ADCY5: variants seen among roughly 807,000 people sequenced by gnomAD.
ADCY5 encodes the protein adenylate cyclase 5, also known as adenylate cyclase type 5.
Under a neutral mutation model 119.7 loss-of-function variants are expected in ADCY5, and 30 were observed. That is an observed-to-expected ratio of 0.25 (90% CI 0.19 to 0.34). The LOEUF (loss-of-function observed/expected upper bound fraction) is 0.34, where lower values mean the gene tolerates loss of function less well. ADCY5 is among the 10% of genes least tolerant of loss of function. ADCY5 has a pLI of 1.00. For missense variants in ADCY5, 1,324 were observed against 1,775.2 expected, an observed-to-expected ratio of 0.75 and a Z score of 4.57; for synonymous variants, 753 against 762.2, an observed-to-expected ratio of 0.99 and a Z score of 0.20.
chr3:123,411,853 GA>G (rs1945057431), intron 1 of ADCY5, among the ~76,000 whole-genome samples: 1 of 152,166 alleles, frequency 6.6e-6, no homozygotes, highest in African/African-American at 2.4e-5. Flanking sequence ...CAGCACAACA[GA>G]GTCCCAGGTG....
At chr3:123,385,917 C>A (rs113301167) in intron 1 of ADCY5, among the ~76,000 whole-genome samples, 10 of 152,146 alleles carry the variant, frequency 6.6e-5, no homozygotes, top group Non-Finnish European at 1.0e-4. Context: ...AATCCCAAGA[C>A]GGCTCTCCAG....
chr3:123,346,310 T>C (rs1028924000), intron 3 of ADCY5, among the ~76,000 whole-genome samples: 3 of 152,234 alleles, frequency 2.0e-5, no homozygotes, highest in African/African-American at 7.2e-5. Flanking sequence ...TTCCCGGATG[T>C]GGAGATTCAG....
intron 1 of ADCY5, chr3:123,367,911 C>T (rs539446763): frequency 6.5e-7 from 1 of 1,535,732 alleles, no homozygotes; most frequent in East Asian, 2.4e-5. Context: ...TTACCTCCAA[C>T]TGAGTGCGGA....
chr3:123,352,846 G>C lies in ADCY5; in HGVS notation c.1135-265C>G, dbSNP rs57138522. On this transcript the variant is annotated intron_variant, in intron 1 of 20. Transcript: ENST00000462833. This position sits in a 1 kb window ranked among gnomAD's most constrained non-coding sequence, Gnocchi z 4.8. ...ATCACCTAATAATCATACTAAACAT[G>C]CCTATAGTACCAGAAATTAAAAGGC... Among the ~76,000 whole-genome samples the C allele has an allele frequency of 0.069, 10,489 of 152,182 alleles. 895 individuals carry two copies. Among genetic ancestry groups the C allele is most frequent in the East Asian group, 0.26 (1,335 of 5,156 alleles).
chr3:123,442,580 C>T (rs901872428), intron 1 of ADCY5, among the ~76,000 whole-genome samples: 1 of 152,232 alleles, frequency 6.6e-6, no homozygotes, highest in Non-Finnish European at 1.5e-5. Flanking sequence ...CAAACATGAA[C>T]GCACTGTTCT....
intron 2 of ADCY5, among the ~76,000 whole-genome samples, chr3:123,348,649 G>T (rs761932645): frequency 6.6e-6 from 1 of 152,174 alleles, no homozygotes; most frequent in Non-Finnish European, 1.5e-5. Context: ...CCAGTGGCAG[G>T]GGAGGTGGGA....
At chr3:123,398,528 AG>A (rs1264507768) in intron 1 of ADCY5, among the ~76,000 whole-genome samples, 10 of 152,208 alleles carry the variant, frequency 6.6e-5, no homozygotes, top group African/African-American at 2.2e-4. Flanking sequence ...CCACTACCAC[AG>A]GGATAATCTT....
intron 3 of ADCY5, among the ~76,000 whole-genome samples, chr3:123,343,850 G>A (rs931777166): frequency 5.3e-5 from 8 of 152,232 alleles, no homozygotes; most frequent in African/African-American, 1.7e-4. Context: ...CTGACCCCCC[G>A]CCCCGTCAGA....
At chr3:123,361,137 CCTT>C (rs1192890995) in intron 1 of ADCY5, among the ~76,000 whole-genome samples, 3 of 152,140 alleles carry the variant, frequency 2.0e-5, no homozygotes, top group Non-Finnish European at 4.4e-5. Context: ...GCGCCCTAGG[CCTT>C]CTTCATAGAT....
chr3:123,447,947 C>A lies in ADCY5; in HGVS notation c.599G>T (p.Gly200Val). 1 of 1,541,548 alleles carries A rather than the reference C, an allele frequency of 6.5e-7. No homozygotes were observed. Among genetic ancestry groups the A allele is most frequent in the Non-Finnish European group, 8.7e-7 (1 of 1,143,616 alleles). ...SADSGSGAGP[G>V]AVLSLGACCL... ...GCAGGCGCCCAGGGACAGCACCGCG[C>A]CGGGCCCCGCGCCCGAGCCCGAGTC... The change falls in exon 1 of 21, where the codon GGC becomes GTC. Residue 200 changes from glycine to valine, a missense_variant. Gly to Val is a moderately radical substitution (Grantham distance 109). Coordinates refer to ENST00000462833, the MANE Select transcript of ADCY5 (RefSeq NM_183357.3).
rs117994755 is a variant in ADCY5, at chr3:123,442,502, T to G, written c.1134+4910A>C. 3.9e-3 allele frequency among the ~76,000 whole-genome samples: 594 copies of G among 152,356 alleles called. 2 individuals carry two copies. Among genetic ancestry groups the G allele is most frequent in the African/African-American group, 0.014 (578 of 41,580 alleles). On this transcript the variant is annotated intron_variant, in intron 1 of 20. Coordinates refer to ENST00000462833, the MANE Select transcript of ADCY5 (RefSeq NM_183357.3). ...TAGGAGAGTTCCTGTCCAAGCATTATAAACTGATTTTGAAACTCTCTGTGA... is the reference window on the plus strand; with the variant it reads ...TAGGAGAGTTCCTGTCCAAGCATTAGAAACTGATTTTGAAACTCTCTGTGA...
intron 1 of ADCY5, among the ~76,000 whole-genome samples, chr3:123,361,957 T>C (rs1448906183): frequency 6.6e-6 from 1 of 152,236 alleles, no homozygotes; most frequent in Admixed American, 6.5e-5. Flanking sequence ...ATTTTGGATT[T>C]CAAATTTTCA....
At chr3:123,366,685 A>G (rs1188132551) in intron 1 of ADCY5, among the ~76,000 whole-genome samples, 1 of 152,214 alleles carries the variant, frequency 6.6e-6, no homozygotes, top group Admixed American at 6.5e-5. Flanking sequence ...GGAGGAGGGC[A>G]TCCTCAAGAG....
intron 19 of ADCY5, among the ~76,000 whole-genome samples, chr3:123,289,049 A>G (rs1365027177): frequency 6.6e-6 from 1 of 152,244 alleles, no homozygotes; most frequent in African/African-American, 2.4e-5. Flanking sequence ...CATAACTTGT[A>G]TAAAAAGAGT....
chr3:123,431,003 T>C (rs1945512342), intron 1 of ADCY5, among the ~76,000 whole-genome samples: 1 of 152,172 alleles, frequency 6.6e-6, no homozygotes, highest in African/African-American at 2.4e-5. Flanking sequence ...TTCTTAACTT[T>C]CCTAGTCTTG....
chr3:123,418,756 C>T (rs1015425109), intron 1 of ADCY5: 2 of 152,242 alleles, frequency 1.3e-5, no homozygotes, highest in African/African-American at 4.8e-5. Flanking sequence ...TGGAAACAAA[C>T]TCAAACCATA....
chr3:123,369,581 C>G (rs1463687206), intron 1 of ADCY5, among the ~76,000 whole-genome samples: 1 of 152,182 alleles, frequency 6.6e-6, no homozygotes, highest in African/African-American at 2.4e-5. Flanking sequence ...TATTTGCTGG[C>G]TGACCTTGAG....
intron 3 of ADCY5, among the ~76,000 whole-genome samples, chr3:123,346,612 TC>T (rs1942571307): frequency 2.7e-5 from 1 of 37,666 alleles, no homozygotes; most frequent in Non-Finnish European, 5.2e-5. Flanking sequence ...TCACCTTCTC[TC>T]TCTCTCTCTC....
intron 1 of ADCY5, among the ~76,000 whole-genome samples, chr3:123,359,516 G>C (rs986174484): frequency 1.3e-5 from 2 of 151,324 alleles, no homozygotes; most frequent in African/African-American, 4.9e-5. Flanking sequence ...CCCTCTTCCA[G>C]ATCTTCCTCC....
Sources: gnomAD v4.1 joint callset for allele counts (sites outside exome capture counted in the v4.1 genomes callset) on GRCh38, gnomAD v4.1.1 for gene constraint, Gnocchi (gnomAD v3.1) non-coding constraint, MANE v1.5 for transcripts, NCBI Gene and HGNC (gene_info 2026-07-23, HGNC 2026-07-21) for gene names.